Variants in MYO1C observed in about 807,000 individuals in gnomAD.
The protein encoded by MYO1C is unconventional myosin-Ic.
In MYO1C, 104 loss-of-function variants were observed where a neutral mutation model predicts 150.8. The ratio of observed to expected loss-of-function variants is 0.69; its 90% CI spans 0.59 to 0.81. The LOEUF is 0.81. Ranked by LOEUF, MYO1C falls within the 30% of genes least tolerant of loss-of-function variation. MYO1C has a pLI of 0.00. For synonymous variants in MYO1C, 663 were observed against 579.9 expected (o/e 1.14, Z -2.06); for missense variants, 1,504 against 1,435.0 (o/e 1.05, Z -0.78).
Position 1,468,404 on chromosome 17 carries a change from A to G in MYO1C, c.2703T>C (p.Leu901=). Residue 901 remains leucine, a splice_region_variant and synonymous_variant, in exon 26 of 32, where the codon CTT becomes CTC. Coordinates refer to ENST00000648651, the MANE Select transcript of MYO1C (RefSeq NM_001080779.2). ...AGTGCTGGAAAGTCAGGGGCTCACC[A>G]AGCCGAGTGCTGATGAAGAGCCTGG... is the stretch of plus-strand genomic sequence containing the variant. The part of the protein sequence containing the change: ...SVPRLFISTR[L]GTDEISPRVL... The G allele has an allele frequency of 6.2e-7, 1 of 1,614,012 alleles. No individual in the cohort carries two copies. The highest frequency in any genetic ancestry group is 8.5e-7 in the Non-Finnish European group (1 of 1,179,900).
In MYO1C at chr17:1,488,415, C is replaced by T. The variant is rs551676467; in HGVS notation, c.75+3998G>A. ...CCCGGGCGGGGAGGGAAGCGGGGAA[C>T]CTGGGTGGGAAAGACGCCGCGGCTG... On this transcript the variant is annotated intron_variant, in intron 1 of 31. Coordinates refer to ENST00000648651, the MANE Select transcript of MYO1C (RefSeq NM_001080779.2). Among the ~76,000 whole-genome samples the T allele has an allele frequency of 5.9e-5, 9 of 152,352 alleles. No individual in the cohort carries two copies. In the South Asian group the frequency reaches 1.9e-3, roughly 32 times the overall value.
Position 1,478,146 on chromosome 17 carries a change from G to A in MYO1C, c.1342C>T (p.Leu448Phe), listed in dbSNP as rs1444089130. Reference protein sequence around the residue: ...INYCNEKLQQLFIELTLKSEQ... With the variant: ...INYCNEKLQQFFIELTLKSEQ... ...GACTTGAGCGTGAGCTCGATGAAGA[G>A]CTGCTGCAGCTTCTCGTTGCAGTAA... The change falls in exon 12 of 32, where the codon CTC (leucine) becomes TTC (phenylalanine). Residue 448 changes from leucine (L) to phenylalanine (F), a missense_variant. Transcript: ENST00000648651. The surrounding 1 kb of genome is among the most constrained non-coding windows in gnomAD (Gnocchi z 6.3). 6.2e-7 allele frequency: 1 copy of A among 1,614,088 alleles called. No individual in the cohort carries two copies. Among genetic ancestry groups the A allele is most frequent in the South Asian group, 1.1e-5 (1 of 91,086 alleles).
At chr17:1,476,951 G>A (rs903427624) in intron 14 of MYO1C, among the ~76,000 whole-genome samples, 24 of 151,022 alleles carry the variant, frequency 1.6e-4, no homozygotes, top group Non-Finnish European at 3.4e-4. Flanking sequence ...CGATTCTCCC[G>A]CCTCAGCCTC....
intron 1 of MYO1C, chr17:1,486,749 C>T (rs941682666): frequency 2.0e-5 from 3 of 152,312 alleles, no homozygotes; most frequent in African/African-American, 7.2e-5. Context: ...CTCCTGACCT[C>T]AGGTGATCCA....
chr17:1,483,555 G>T, intron 3 of MYO1C, 55 bp downstream of exon 3: 1 of 1,304,530 alleles, frequency 7.7e-7, no homozygotes, highest in Non-Finnish European at 1.1e-6. Context: ...GGTTGGGCGG[G>T]GTCACCTCAG....
rs576798224 is a variant in MYO1C at position 1,492,676 on chromosome 17, C to G, written c.-189G>C. ...CAGCTCCTCAGGACACGGCTGGAGC[C>G]GTCCAGGTCTGACTGGGAGGCCTCT... is the stretch of plus-strand genomic sequence containing the variant. On this transcript the variant is annotated 5_prime_UTR_variant, in exon 1 of 32. Coordinates refer to ENST00000648651, the MANE Select transcript of MYO1C (RefSeq NM_001080779.2). The G allele has an allele frequency of 4.8e-6, 3 of 631,458 alleles. No homozygotes were observed. The highest frequency in any genetic ancestry group is 5.6e-5 in the East Asian group (2 of 35,800). The allele number at this position is 631,458 out of a possible 1,614,324, so 39.1% of individuals were successfully genotyped here.
intron 15 of MYO1C, 31 bp downstream of exon 15, chr17:1,474,907 C>G: frequency 6.2e-7 from 1 of 1,611,586 alleles, no homozygotes; most frequent in Non-Finnish European, 8.5e-7. Flanking sequence ...CCCCGCAGGC[C>G]CCTGTGGGGA....
intron 28 of MYO1C, 22 bp downstream of exon 28, chr17:1,467,966 G>A (rs1409750299): frequency 6.2e-7 from 1 of 1,612,936 alleles, no homozygotes; most frequent in African/African-American, 1.3e-5. Flanking sequence ...CCCTCCCCCT[G>A]CAGCCCTGGA....
intron 1 of MYO1C, among the ~76,000 whole-genome samples, chr17:1,488,718 G>A (rs1001421857): frequency 3.9e-5 from 6 of 152,192 alleles, no homozygotes; most frequent in Admixed American, 6.5e-5. Context: ...GGTGTCGTGT[G>A]ATTCTATTAT....
At position 1,465,247 on chromosome 17, in the gene MYO1C, C is replaced by A. The variant is rs928528685; in HGVS notation, c.*479G>T. 1.3e-5 allele frequency: 2 copies of A among 153,110 alleles called. No homozygotes were observed. The highest frequency in any genetic ancestry group is 4.8e-5 in the African/African-American group (2 of 41,436). The allele number at this position is 153,110 out of a possible 1,614,324, so 9.5% of individuals were successfully genotyped here. ...GGTAAACAGACAGAAAGACAAGGTG[C>A]CAAGGGAATCAGGAGGAGAGGTGTC... On this transcript the variant is annotated 3_prime_UTR_variant, in exon 32 of 32. Coordinates refer to ENST00000648651, the MANE Select transcript of MYO1C (RefSeq NM_001080779.2).
chr17:1,488,227 GTTCCCGGGCCGCGCCGCCGCA>G, intron 1 of MYO1C, among the ~76,000 whole-genome samples: 1 of 152,082 alleles, frequency 6.6e-6, no homozygotes, highest in East Asian at 1.9e-4. Context: ...GCTTCTTCCA[GTTCCCGGGCCGCGCCGCCGCA>G]TTCCCGGGAT....
chr17:1,481,541 C>T (rs1459275398), intron 5 of MYO1C, among the ~76,000 whole-genome samples: 1 of 152,068 alleles, frequency 6.6e-6, no homozygotes, highest in African/African-American at 2.4e-5. Context: ...CTTGCTTTCA[C>T]CCAGGCTGGA....
chr17:1,485,132 C>A (rs2074625369), intron 1 of MYO1C: 1 of 1,209,022 alleles, frequency 8.3e-7, no homozygotes, highest in African/African-American at 1.6e-5. Flanking sequence ...CATGGAAAGC[C>A]CAGCTGCCTC....
At position 1,465,749 on chromosome 17, in the gene MYO1C, C is replaced by T. The variant is rs201126331; in HGVS notation, c.3169G>A (p.Ala1057Thr). The T allele has an allele frequency of 2.6e-5, 35 of 1,322,314 alleles. No individual in the cohort carries two copies. In the East Asian group the frequency reaches 8.7e-4, roughly 33 times the overall value. The allele number at this position is 1,322,314 out of a possible 1,614,324, so 81.9% of individuals were successfully genotyped here. A position where few individuals can be genotyped will look rare whatever the true frequency, so the allele number is the denominator to read the frequency against. ...KAKNGHLAVV[A>T]PRLNSR is the part of the protein sequence containing the mutation. ...TATCACCGAGAATTCAGCCGTGGGG[C>T]GACCTGTGGGGGCGGAGAGAGACGG... Residue 1057 changes from alanine (A) to threonine (T), a missense_variant, in exon 32 of 32, where the codon GCC becomes ACC. Transcript: ENST00000648651.
chr17:1,477,488 C>T lies in MYO1C; in HGVS notation c.1574+17G>A. ...CAAGTGAGCCCTTGCCCCCAGCAGCCCCGCAGCCCCACTCACGTCAGGAAG... is the reference window on the plus strand; with the variant it reads ...CAAGTGAGCCCTTGCCCCCAGCAGCTCCGCAGCCCCACTCACGTCAGGAAG... On this transcript the variant is annotated intron_variant, in intron 14 of 31. Coordinates refer to ENST00000648651, the MANE Select transcript of MYO1C (RefSeq NM_001080779.2). 1 of 1,612,146 alleles carries T rather than the reference C, an allele frequency of 6.2e-7. No individual in the cohort carries two copies. The highest frequency in any genetic ancestry group is 8.5e-7 in the Non-Finnish European group (1 of 1,178,662).
At chr17:1,483,199 G>C (rs1567532673) in intron 3 of MYO1C, 140 bp from the exon 4 acceptor site, 5 of 850,488 alleles carry the variant, frequency 5.9e-6, no homozygotes, top group Non-Finnish European at 9.0e-6. Flanking sequence ...TCCCTCACAG[G>C]TGTGGGCCAT....
intron 31 of MYO1C, 52 bp from the exon 32 acceptor site, chr17:1,465,804 C>A: frequency 7.8e-7 from 1 of 1,274,310 alleles, no homozygotes; most frequent in South Asian, 3.1e-5. Context: ...GACGGGGGCC[C>A]CGGTACTCAG....
rs755732651 is a variant in MYO1C, at chr17:1,471,152, G to A, written c.2136-5C>T. 9 of 1,614,130 alleles carry A rather than the reference G, an allele frequency of 5.6e-6. 1 individual carries two copies. The South Asian group carries it at 9.9e-5, about 18-fold the overall frequency. ...AAGCGGATGAAGATCTTGGTCCTGG[G>A]AGAGCAGTAGTGATCAGCCCGGGGT... On this transcript the variant is annotated splice_polypyrimidine_tract_variant and splice_region_variant and intron_variant, in intron 20 of 31. Transcript: ENST00000648651.
At chr17:1,468,942 G>A (rs1004243591) in intron 25 of MYO1C, 50 of 296,836 alleles carry the variant, frequency 1.7e-4, no homozygotes, top group East Asian at 9.5e-4. Flanking sequence ...GAGTGAAGAC[G>A]CAGACTTTTC....
Sources: gnomAD v4.1 joint callset for allele counts (sites outside exome capture counted in the v4.1 genomes callset) on GRCh38, gnomAD v4.1.1 for gene constraint, Gnocchi (gnomAD v3.1) non-coding constraint, MANE v1.5 for transcripts, NCBI Gene and HGNC (gene_info 2026-07-23, HGNC 2026-07-21) for gene names.